CD164: variants seen among roughly 807,000 people sequenced by gnomAD.
CD164 encodes sialomucin core protein 24.
CD164 carries 11 observed loss-of-function variants against 24.6 expected under a neutral mutation model. That is an observed-to-expected ratio of 0.45 (90% CI 0.28 to 0.74). CD164 has a LOEUF of 0.74. Among genes scored for constraint, CD164 ranks in the 30% least tolerant of loss-of-function variants. The pLI is 0.13. For missense variants in CD164, 295 were observed against 243.7 expected (o/e 1.21, Z -1.40); for synonymous variants, 126 against 100.3 (o/e 1.26, Z -1.53).
chr6:109,381,097 T>C (rs1771712237), intron 1 of CD164, among the ~76,000 whole-genome samples: 1 of 152,246 alleles, frequency 6.6e-6, no homozygotes, highest in African/African-American at 2.4e-5. Flanking sequence ...AAGCCAATGT[T>C]AACTACGTAA....
chr6:109,381,333 C>T (rs997068638), intron 1 of CD164, among the ~76,000 whole-genome samples: 2 of 152,182 alleles, frequency 1.3e-5, no homozygotes, highest in African/African-American at 4.8e-5. Context: ...TTAGAAAACC[C>T]ACAGACCTGG....
intron 4 of CD164, chr6:109,372,670 T>C (rs936686366): frequency 6.6e-6 from 1 of 152,216 alleles, no homozygotes; most frequent in Non-Finnish European, 1.5e-5. Context: ...TTACACAGAA[T>C]TCTTAGATTA....
At chr6:109,373,052 A>T (rs530731687) in intron 4 of CD164, among the ~76,000 whole-genome samples, 39 of 152,338 alleles carry the variant, frequency 2.6e-4, no homozygotes, top group South Asian at 1.0e-3. Flanking sequence ...GGTTAAAAAA[A>T]AATAATAATA....
At chr6:109,370,525 T>G in intron 4 of CD164, 58 bp from the exon 5 acceptor site, 1 of 1,428,140 alleles carries the variant, frequency 7.0e-7, no homozygotes, top group South Asian at 1.3e-5. Flanking sequence ...TTCCCAGTTA[T>G]CTAACAGCTT....
intron 3 of CD164, 94 bp from the exon 4 acceptor site, chr6:109,376,206 G>A (rs1298616772): frequency 2.4e-6 from 2 of 820,164 alleles, no homozygotes; most frequent in East Asian, 3.1e-5. Context: ...AATCATTTGA[G>A]TACTTTTCAC....
At chr6:109,376,231 T>A in intron 3 of CD164, 119 bp from the exon 4 acceptor site, 1 of 594,772 alleles carries the variant, frequency 1.7e-6, no homozygotes. Flanking sequence ...TTTACAACAC[T>A]TAAATACTAC....
chr6:109,382,365 G>T lies in CD164; in HGVS notation c.14C>A (p.Ser5Tyr), dbSNP rs773521020. The change falls in exon 1 of 6, where the codon TCC becomes TAC. Residue 5 changes from serine (S) to tyrosine (Y), a missense_variant. Physicochemically the swap from Ser to Tyr is moderately radical, Grantham distance 144 (BLOSUM62 -2). Coordinates refer to ENST00000310786, the MANE Select transcript of CD164 (RefSeq NM_006016.6). MSRLSRSLLWAATCL... is the reference protein window; with the variant it reads MSRLYRSLLWAATCL... Reference sequence around the variant, plus strand: ...GGTGGCGGCCCAAAGCAGTGAGCGGGAGAGCCGCGACATCGTGTCCTCAGC... The same window carrying T: ...GGTGGCGGCCCAAAGCAGTGAGCGGTAGAGCCGCGACATCGTGTCCTCAGC... 2.7e-5 allele frequency: 42 copies of T among 1,547,180 alleles called. No individual in the cohort carries two copies. The highest frequency in any genetic ancestry group is 3.5e-5 in the Non-Finnish European group (40 of 1,152,560).
In CD164 at chr6:109,366,966, T is replaced by C. The variant is rs1235159478; in HGVS notation, c.*1885A>G. 2.6e-5 allele frequency: 4 copies of C among 152,228 alleles called. No homozygotes were observed. Among genetic ancestry groups the C allele is most frequent in the Non-Finnish European group, 2.9e-5 (2 of 68,020 alleles). 9.4% of individuals were successfully genotyped at this position (152,228 alleles called of 1,614,324 possible). A position where few individuals can be genotyped will look rare whatever the true frequency, so the allele number is the denominator to read the frequency against. Reference sequence around the variant, plus strand: ...ACATGAATGTGTGTCAGGGAATTCATACCCAGGTAAATGACAATTACATCA... The same window carrying C: ...ACATGAATGTGTGTCAGGGAATTCACACCCAGGTAAATGACAATTACATCA... On this transcript the variant is annotated 3_prime_UTR_variant, in exon 6 of 6. Transcript: ENST00000310786.
rs953919831 is a variant in CD164 at position 109,367,215 on chromosome 6, A to G, written c.*1636T>C. 6.6e-6 allele frequency: 1 copy of G among 152,616 alleles called. No individual in the cohort carries two copies. Among genetic ancestry groups the G allele is most frequent in the African/African-American group, 2.4e-5 (1 of 41,458 alleles). The allele number at this position is 152,616 out of a possible 1,614,324, so 9.5% of individuals were successfully genotyped here. A position where few individuals can be genotyped will look rare whatever the true frequency, so the allele number is the denominator to read the frequency against. On this transcript the variant is annotated 3_prime_UTR_variant, in exon 6 of 6. Coordinates refer to ENST00000310786, the MANE Select transcript of CD164 (RefSeq NM_006016.6). ...ATTAAGGCACTTGAAAACATTAAGT[A>G]TATGTACAAATGTGCAAGTAAAACA... is the stretch of plus-strand genomic sequence containing the variant.
Position 109,371,614 on chromosome 6 carries a change from A to C in CD164, c.371-1147T>G, listed in dbSNP as rs1048290698. The C allele has an allele frequency of 1.1e-4, 17 of 153,804 alleles. No homozygotes were observed. The Admixed American group carries it at 1.1e-3, about 10-fold the overall frequency. 9.5% of individuals were successfully genotyped at this position (153,804 alleles called of 1,614,324 possible). A position where few individuals can be genotyped will look rare whatever the true frequency, so the allele number is the denominator to read the frequency against. ...TAATAGAAGTCTGACCAAGGCTTTC[A>C]GAAAGGAAGGATGTGAATATAGTTT... On this transcript the variant is annotated intron_variant, in intron 4 of 5. Transcript: ENST00000310786.
intron 4 of CD164, chr6:109,371,057 G>T (rs1430395728): frequency 6.6e-6 from 1 of 152,390 alleles, no homozygotes; most frequent in African/African-American, 2.4e-5. Flanking sequence ...CCCAACGTAA[G>T]ATTCTAAGAG....
chr6:109,368,713 A>C lies in CD164; in HGVS notation c.*138T>G, dbSNP rs955089272. ...TTTTTTCTTCACGGATGATGCTCCC[A>C]AACATCCTATATGCATCCATGGAAA... On this transcript the variant is annotated 3_prime_UTR_variant, in exon 6 of 6. Transcript: ENST00000310786. 23 of 1,405,806 alleles carry C rather than the reference A, an allele frequency of 1.6e-5. No individual in the cohort carries two copies. In the African/African-American group the frequency reaches 2.6e-4, roughly 16 times the overall value. 87.1% of individuals were successfully genotyped at this position (1,405,806 alleles called of 1,614,324 possible). A position where few individuals can be genotyped will look rare whatever the true frequency, so the allele number is the denominator to read the frequency against.
At chr6:109,380,035 T>C (rs532394507) in intron 1 of CD164, 305 of 155,806 alleles carry the variant, frequency 2.0e-3, no homozygotes, top group Non-Finnish European at 3.2e-3. Context: ...ACACTACACA[T>C]AGGAAAACCA....
chr6:109,379,839 G>GT, intron 1 of CD164, 177 bp from the exon 2 acceptor site: 1 of 541,448 alleles, frequency 1.8e-6, no homozygotes, highest in Non-Finnish European at 3.2e-6. Flanking sequence ...TTACAAAGCT[G>GT]TAAGTAAACG....
chr6:109,381,482 C>A, intron 1 of CD164: 1 of 702,016 alleles, frequency 1.4e-6, no homozygotes, highest in Non-Finnish European at 2.6e-6. Flanking sequence ...TCTGCATCTA[C>A]CTCCTAGGTT....
In CD164 at chr6:109,367,658, A is replaced by G. The variant is rs1399062255; in HGVS notation, c.*1193T>C. ...TCCAGGACAATCAGTAAAAATCTAC[A>G]GTAACCTGATCAACCAAAAAATCCT... On this transcript the variant is annotated 3_prime_UTR_variant, in exon 6 of 6. Coordinates refer to ENST00000310786, the MANE Select transcript of CD164 (RefSeq NM_006016.6). The G allele has an allele frequency of 6.6e-6, 1 of 152,630 alleles. No homozygotes were observed. Among genetic ancestry groups the G allele is most frequent in the African/African-American group, 2.4e-5 (1 of 41,464 alleles). The allele number at this position is 152,630 out of a possible 1,614,324, so 9.5% of individuals were successfully genotyped here.
intron 1 of CD164, among the ~76,000 whole-genome samples, chr6:109,381,024 G>A (rs1194199637): frequency 6.6e-6 from 1 of 152,244 alleles, no homozygotes; most frequent in Non-Finnish European, 1.5e-5. Context: ...AAAACTAGAG[G>A]AGAATTTGTA....
chr6:109,379,388 AAGGGAGG>A (rs1478420447), intron 2 of CD164, among the ~76,000 whole-genome samples, 184 bp downstream of exon 2: 9 of 152,230 alleles, frequency 5.9e-5, no homozygotes, highest in African/African-American at 2.2e-4. Context: ...AAGGAATCTA[AAGGGAGG>A]ATGGGAGACA....
Position 109,367,153 on chromosome 6 carries a change from T to C in CD164, c.*1698A>G, listed in dbSNP as rs1770805310. 1.3e-5 allele frequency: 2 copies of C among 152,622 alleles called. No homozygotes were observed. Among genetic ancestry groups the C allele is most frequent in the African/African-American group, 2.4e-5 (1 of 41,448 alleles). 9.5% of individuals were successfully genotyped at this position (152,622 alleles called of 1,614,324 possible). A position where few individuals can be genotyped will look rare whatever the true frequency, so the allele number is the denominator to read the frequency against. On this transcript the variant is annotated 3_prime_UTR_variant, in exon 6 of 6. Coordinates refer to ENST00000310786, the MANE Select transcript of CD164 (RefSeq NM_006016.6). ...ACAAAAAATGTGAGGTAAACCGACC[T>C]TTCCCCAAGAAACTTTGAAGCCAGA...
Sources: allele counts gnomAD v4.1 joint callset (sites outside exome capture counted in the v4.1 genomes callset), GRCh38; gene constraint gnomAD v4.1.1; transcripts MANE v1.5; gene names NCBI Gene and HGNC (gene_info 2026-07-23, HGNC 2026-07-21).